Variants in TESPA1 observed in about 807,000 individuals in gnomAD.
TESPA1 encodes protein TESPA1.
TESPA1 carries 33 observed loss-of-function variants against 57.9 expected under a neutral mutation model. The ratio of observed to expected loss-of-function variants is 0.57; its 90% CI spans 0.43 to 0.76. The LOEUF (loss-of-function observed/expected upper bound fraction) is 0.76, where lower values mean the gene tolerates loss of function less well. Ranked by LOEUF, TESPA1 falls within the 30% of genes least tolerant of loss-of-function variation. The pLI is 0.00. For synonymous variants in TESPA1, 227 were observed against 228.9 expected, an observed-to-expected ratio of 0.99 and a Z score of 0.07; for missense variants, 618 against 632.9, an observed-to-expected ratio of 0.98 and a Z score of 0.25.
At position 54,967,160 on chromosome 12, in the gene TESPA1, C is replaced by T. The variant is rs765033283; in HGVS notation, c.310+23G>A. On this transcript the variant is annotated intron_variant, in intron 5 of 10. Coordinates refer to ENST00000449076, the MANE Select transcript of TESPA1 (RefSeq NM_001136030.3). ...TGTATATCCTGTTTTCTCATCCCAA[C>T]CTCAGAGAACTGTGCCACTTACCCT... 5 of 1,612,710 alleles carry T rather than the reference C, an allele frequency of 3.1e-6. No homozygotes were observed. In the Admixed American group the frequency reaches 6.7e-5, roughly 22 times the overall value.
At chr12:54,969,038 T>A (rs1179756572) in intron 3 of TESPA1, among the ~76,000 whole-genome samples, 3 of 121,610 alleles carry the variant, frequency 2.5e-5, no homozygotes, top group Non-Finnish European at 4.7e-5. Context: ...TATATATATA[T>A]ATATATATGT....
At chr12:54,959,591 G>A (rs1950953991) in intron 10 of TESPA1, among the ~76,000 whole-genome samples, 1 of 152,116 alleles carries the variant, frequency 6.6e-6, no homozygotes, top group South Asian at 2.1e-4. Context: ...TTATTGTCCG[G>A]GTTCTCTACC....
chr12:54,970,088 A>T (rs1035621967), intron 3 of TESPA1, among the ~76,000 whole-genome samples: 4 of 152,022 alleles, frequency 2.6e-5, no homozygotes, highest in Non-Finnish European at 5.9e-5. Flanking sequence ...ATGCCTGGCT[A>T]ATTTTAAAAA....
At chr12:54,958,242 C>G (rs888739972) in intron 10 of TESPA1, among the ~76,000 whole-genome samples, 2 of 152,118 alleles carry the variant, frequency 1.3e-5, no homozygotes, top group African/African-American at 4.8e-5. Flanking sequence ...TTTTCTTGTG[C>G]AAGGCTGACA....
chr12:54,960,508 T>C (rs935127712), intron 10 of TESPA1, among the ~76,000 whole-genome samples: 1 of 152,140 alleles, frequency 6.6e-6, no homozygotes, highest in Non-Finnish European at 1.5e-5. Context: ...CTGCTCTGAG[T>C]TCAATGATGT....
At chr12:54,950,685 A>T (rs556168589) in intron 10 of TESPA1, among the ~76,000 whole-genome samples, 3 of 152,342 alleles carry the variant, frequency 2.0e-5, no homozygotes, top group African/African-American at 7.2e-5. Flanking sequence ...GAATATCACT[A>T]AACCACTATC....
chr12:54,972,812 G>A (rs938034626), intron 3 of TESPA1, among the ~76,000 whole-genome samples: 30 of 152,238 alleles, frequency 2.0e-4, no homozygotes, highest in Non-Finnish European at 1.6e-4. Flanking sequence ...CATTCCTGGA[G>A]GGAAAATAAG....
At chr12:54,960,331 A>G (rs1385460316) in intron 10 of TESPA1, among the ~76,000 whole-genome samples, 1 of 152,254 alleles carries the variant, frequency 6.6e-6, no homozygotes, top group Non-Finnish European at 1.5e-5. Flanking sequence ...AAAAATTAAT[A>G]CTGAAAAACT....
At chr12:54,950,851 C>A (rs944101650) in intron 10 of TESPA1, among the ~76,000 whole-genome samples, 3 of 152,066 alleles carry the variant, frequency 2.0e-5, no homozygotes, top group African/African-American at 7.2e-5. Context: ...TTAGTAATGA[C>A]CCCACAGGAA....
intron 3 of TESPA1, among the ~76,000 whole-genome samples, chr12:54,970,561 G>A (rs889878833): frequency 6.6e-6 from 1 of 152,248 alleles, no homozygotes. Context: ...ACATGGGCCT[G>A]GAGCTATTGA....
intron 10 of TESPA1, among the ~76,000 whole-genome samples, chr12:54,959,092 G>A (rs1371915914): frequency 1.3e-5 from 2 of 152,164 alleles, no homozygotes; most frequent in Non-Finnish European, 2.9e-5. Context: ...AGAAATTGAT[G>A]TAAATAGGCT....
intron 10 of TESPA1, among the ~76,000 whole-genome samples, chr12:54,960,785 T>G (rs989729744): frequency 6.6e-6 from 1 of 152,198 alleles, no homozygotes; most frequent in Non-Finnish European, 1.5e-5. Context: ...CAATGTCTCC[T>G]GGAACAGCAG....
chr12:54,980,574 G>T (rs1041008252), intron 1 of TESPA1, among the ~76,000 whole-genome samples: 2 of 152,248 alleles, frequency 1.3e-5, no homozygotes, highest in Admixed American at 6.5e-5. Flanking sequence ...AATTTCTGGG[G>T]CCTGTCTGGG....
intron 5 of TESPA1, among the ~76,000 whole-genome samples, chr12:54,966,760 C>A (rs2136131728): frequency 6.6e-6 from 1 of 152,264 alleles, no homozygotes; most frequent in South Asian, 2.1e-4. Context: ...CTTTACAGCT[C>A]CCAGGAGACA....
At chr12:54,975,055 T>A (rs1952070962) in intron 1 of TESPA1, among the ~76,000 whole-genome samples, 1 of 152,122 alleles carries the variant, frequency 6.6e-6, no homozygotes, top group Admixed American at 6.5e-5. Context: ...TATGAAAAAA[T>A]TTAGGGTCTC....
Position 54,957,060 on chromosome 12 carries a change from A to G in TESPA1, c.*1+4108T>C, listed in dbSNP as rs186631394. Among the ~76,000 whole-genome samples the G allele has an allele frequency of 2.4e-3, 373 of 152,364 alleles. 1 individual carries two copies. The highest frequency in any genetic ancestry group is 4.0e-3 in the Non-Finnish European group (272 of 68,042). ...CAACTTTGCGAGACTCATTCAAACC[A>G]CAGCAGTGCCCTTGTGCTAATTACA... On this transcript the variant is annotated intron_variant, in intron 10 of 10. Coordinates refer to ENST00000449076, the MANE Select transcript of TESPA1 (RefSeq NM_001136030.3).
At chr12:54,953,228 C>A (rs1241951930) in intron 10 of TESPA1, among the ~76,000 whole-genome samples, 1 of 152,112 alleles carries the variant, frequency 6.6e-6, no homozygotes, top group Non-Finnish European at 1.5e-5. Flanking sequence ...TAGACTAAAC[C>A]AAAACACTTA....
chr12:54,954,203 A>G (rs1950594709), intron 10 of TESPA1, among the ~76,000 whole-genome samples: 1 of 152,158 alleles, frequency 6.6e-6, no homozygotes, highest in African/African-American at 2.4e-5. Flanking sequence ...CTCTGATGGA[A>G]ACGGCCTTGG....
intron 3 of TESPA1, 157 bp from the exon 4 acceptor site, chr12:54,968,049 C>G: frequency 6.6e-7 from 1 of 1,517,274 alleles, no homozygotes; most frequent in Non-Finnish European, 8.8e-7. Context: ...AGAGTGGTTA[C>G]TTGTCTGAAA....
Sources: gnomAD v4.1 joint callset for allele counts (sites outside exome capture counted in the v4.1 genomes callset) on GRCh38, gnomAD v4.1.1 for gene constraint, MANE v1.5 for transcripts, NCBI Gene and HGNC (gene_info 2026-07-23, HGNC 2026-07-21) for gene names.